LRBA: variants seen among roughly 807,000 people sequenced by gnomAD.
The protein encoded by LRBA is LPS responsive beige-like anchor protein.
A neutral mutation model predicts 330.0 loss-of-function variants in LRBA; 176 were observed. The ratio of observed to expected loss-of-function variants is 0.53; its 90% CI spans 0.47 to 0.60. LRBA has a LOEUF of 0.60. Ranked by LOEUF, LRBA falls within the 20% of genes least tolerant of loss-of-function variation. LRBA has a pLI of 0.00. For synonymous variants in LRBA, 1,230 were observed against 1,193.0 expected (o/e 1.03, Z -0.64); for missense variants, 3,259 against 3,444.8 (o/e 0.95, Z 1.35).
intron 36 of LRBA, among the ~76,000 whole-genome samples, chr4:150,734,928 T>G (rs1157826173): frequency 6.6e-6 from 1 of 152,162 alleles, no homozygotes; most frequent in African/African-American, 2.4e-5. Context: ...CTAGCTCTGT[T>G]TTGTCCAGAA....
At chr4:150,724,412 G>C (rs909291117) in intron 36 of LRBA, among the ~76,000 whole-genome samples, 1 of 152,100 alleles carries the variant, frequency 6.6e-6, no homozygotes. Context: ...ATTGGGGTTG[G>C]GGTCCAAGTC....
intron 33 of LRBA, among the ~76,000 whole-genome samples, chr4:150,800,364 G>A (rs1741429021): frequency 6.6e-6 from 1 of 152,168 alleles, no homozygotes; most frequent in South Asian, 2.1e-4. Context: ...CAGACCTTAA[G>A]TTCCCTGTCT....
At position 150,321,397 on chromosome 4, in the gene LRBA, A is replaced by G. The variant is rs1347522878; in HGVS notation, c.7453-29T>C. ...CAGGAGGAGATACTGTTGAGTGGGC[A>G]TGACAAGACCCAAATAGACAAGAAG... On this transcript the variant is annotated intron_variant, in intron 49 of 56. Transcript: ENST00000651943. The surrounding 1 kb of genome is among the most constrained non-coding windows in gnomAD (Gnocchi z 4.5). 1 of 1,528,260 alleles carries G rather than the reference A, an allele frequency of 6.5e-7. No homozygotes were observed. The highest frequency in any genetic ancestry group is 8.7e-7 in the Non-Finnish European group (1 of 1,144,528). The allele number at this position is 1,528,260 out of a possible 1,614,324, so 94.7% of individuals were successfully genotyped here.
chr4:150,458,472 A>G (rs377718365), intron 44 of LRBA, among the ~76,000 whole-genome samples: 1 of 151,852 alleles, frequency 6.6e-6, no homozygotes, highest in Non-Finnish European at 1.5e-5. Flanking sequence ...TATAAATTAA[A>G]TAGCTACACA....
At chr4:151,010,164 T>G (rs1490631416) in intron 2 of LRBA, among the ~76,000 whole-genome samples, 1 of 152,146 alleles carries the variant, frequency 6.6e-6, no homozygotes, top group African/African-American at 2.4e-5. Context: ...AAGGGGTGAC[T>G]GTAATTACTT....
chr4:150,358,620 C>CA (rs1244495027), intron 47 of LRBA, among the ~76,000 whole-genome samples: 4 of 151,890 alleles, frequency 2.6e-5, no homozygotes, highest in Admixed American at 6.6e-5. Flanking sequence ...TAGTTATAAA[C>CA]ATAGACATAA....
At chr4:150,646,675 C>G (rs1390784838) in intron 37 of LRBA, among the ~76,000 whole-genome samples, 1 of 151,896 alleles carries the variant, frequency 6.6e-6, no homozygotes, top group Non-Finnish European at 1.5e-5. Flanking sequence ...GCAAGATAAC[C>G]AAAGTGTTAG....
intron 53 of LRBA, among the ~76,000 whole-genome samples, chr4:150,292,505 A>G (rs1728444686): frequency 6.6e-6 from 1 of 152,220 alleles, no homozygotes; most frequent in Admixed American, 6.5e-5. Flanking sequence ...GCGGGATTAA[A>G]CATTTTCCTA....
intron 47 of LRBA, among the ~76,000 whole-genome samples, chr4:150,387,551 G>C (rs1743270723): frequency 6.6e-6 from 1 of 152,136 alleles, no homozygotes; most frequent in African/African-American, 2.4e-5. Flanking sequence ...GGTATTATAA[G>C]ATTGATGTTA....
At chr4:151,003,122 A>C (rs1743585951) in intron 2 of LRBA, among the ~76,000 whole-genome samples, 1 of 149,108 alleles carries the variant, frequency 6.7e-6, no homozygotes, top group Non-Finnish European at 1.5e-5. Context: ...CTGGTCAGGC[A>C]CAGTGGCTCA....
intron 37 of LRBA, among the ~76,000 whole-genome samples, chr4:150,649,424 G>A (rs1457569593): frequency 6.6e-6 from 1 of 152,112 alleles, no homozygotes; most frequent in East Asian, 1.9e-4. Context: ...TCTTCTATCT[G>A]CTTTCTACGC....
intron 37 of LRBA, among the ~76,000 whole-genome samples, chr4:150,678,244 G>GAA (rs558047933): frequency 2.6e-5 from 2 of 75,844 alleles, no homozygotes; most frequent in Non-Finnish European, 2.9e-5. Flanking sequence ...CTGTCTCCAA[G>GAA]AAAAAAAAAA....
intron 47 of LRBA, among the ~76,000 whole-genome samples, chr4:150,361,556 A>G (rs980094694): frequency 9.9e-5 from 15 of 151,894 alleles, no homozygotes; most frequent in African/African-American, 3.6e-4. Flanking sequence ...CTCTCTCTCC[A>G]GATTCTCTTT....
intron 38 of LRBA, among the ~76,000 whole-genome samples, chr4:150,596,390 A>G (rs1372621059): frequency 6.6e-6 from 1 of 151,854 alleles, no homozygotes; most frequent in Admixed American, 6.6e-5. Context: ...CTGATCTCCA[A>G]TGGCACTTCT....
chr4:150,302,502 T>C (rs1729801337), intron 53 of LRBA, 123 bp downstream of exon 53: 1 of 507,090 alleles, frequency 2.0e-6, no homozygotes, highest in Non-Finnish European at 3.3e-6. Context: ...TCTTAAATTA[T>C]AATAAATAAA....
intron 34 of LRBA, among the ~76,000 whole-genome samples, chr4:150,792,028 CAAAAAAAA>C (rs11389573): frequency 2.2e-5 from 1 of 46,328 alleles, no homozygotes; most frequent in Non-Finnish European, 3.6e-5. Flanking sequence ...GGCTCCATCT[CAAAAAAAA>C]AAAAAAAAAA....
At chr4:150,409,223 GCTAGAA>G (rs1034688940) in intron 47 of LRBA, among the ~76,000 whole-genome samples, 10 of 152,120 alleles carry the variant, frequency 6.6e-5, no homozygotes, top group African/African-American at 2.4e-4. Context: ...CAATCAGAGG[GCTAGAA>G]CAGGTCCTTC....
intron 40 of LRBA, among the ~76,000 whole-genome samples, chr4:150,571,383 G>T (rs1231068475): frequency 2.0e-5 from 3 of 151,904 alleles, no homozygotes; most frequent in Non-Finnish European, 2.9e-5. Flanking sequence ...AAGGAATATT[G>T]CTTTATTGCT....
chr4:150,360,330 A>C (rs1273171212), intron 47 of LRBA, among the ~76,000 whole-genome samples: 3 of 152,112 alleles, frequency 2.0e-5, no homozygotes, highest in Non-Finnish European at 4.4e-5. Context: ...AAAAAAAAAA[A>C]AGTAAAACTG....
Sources: gnomAD v4.1 joint callset for allele counts (sites outside exome capture counted in the v4.1 genomes callset) on GRCh38, gnomAD v4.1.1 for gene constraint, Gnocchi (gnomAD v3.1) non-coding constraint, MANE v1.5 for transcripts, NCBI Gene and HGNC (gene_info 2026-07-23, HGNC 2026-07-21) for gene names.